The following ADARB2 variants were observed in gnomAD, a reference collection of about 807,000 sequenced individuals.
ADARB2 encodes inactive double-stranded RNA-specific editase B2.
ADARB2 carries 25 observed loss-of-function variants against 62.2 expected under a neutral mutation model. That is an observed-to-expected ratio of 0.40 (90% CI 0.29 to 0.56). The LOEUF (loss-of-function observed/expected upper bound fraction) is 0.56, where lower values mean the gene tolerates loss of function less well. ADARB2 is among the 20% of genes least tolerant of loss of function. The probability of loss-of-function intolerance (pLI) is 0.43; values close to 1 mark genes in which losing one functional copy is unlikely to be tolerated. For missense variants in ADARB2, 1,071 were observed against 1,077.4 expected, an observed-to-expected ratio of 0.99 and a Z score of 0.08; for synonymous variants, 572 against 500.8, an observed-to-expected ratio of 1.14 and a Z score of -1.90.
At chr10:1,496,814 A>C (rs1483232515) in intron 1 of ADARB2, among the ~76,000 whole-genome samples, 1 of 152,218 alleles carries the variant, frequency 6.6e-6, no homozygotes, top group Non-Finnish European at 1.5e-5. Context: ...CATTGTCATC[A>C]TTATCATTAT....
intron 1 of ADARB2, among the ~76,000 whole-genome samples, chr10:1,713,874 A>G (rs1834982184): frequency 6.6e-6 from 1 of 152,242 alleles, no homozygotes; most frequent in Admixed American, 6.5e-5. Flanking sequence ...CGTACATAAA[A>G]TGATATCTGC....
chr10:1,536,303 G>T (rs1832332498), intron 1 of ADARB2, among the ~76,000 whole-genome samples: 2 of 152,216 alleles, frequency 1.3e-5, no homozygotes, highest in South Asian at 4.1e-4. Flanking sequence ...AGCCAGGAAG[G>T]GGCCTTCATG....
Position 1,200,101 on chromosome 10 carries a change from C to G in ADARB2, c.1729G>C (p.Glu577Gln), listed in dbSNP as rs1268350649. Residue 577 changes from glutamate to glutamine, a missense_variant, in exon 8 of 10, where the codon GAG becomes CAG. Physicochemically the swap from Glu to Gln is conservative, Grantham distance 29 (BLOSUM62 2). Coordinates refer to ENST00000381312, the MANE Select transcript of ADARB2 (RefSeq NM_018702.4). ...ACGATGCTCTGCAGGTACACGGGCT[C>G]CACGAAGTGGGACAGGAGCGCGCCC... Reference protein sequence around the residue: ...LQGALLSHFVEPVYLQSIVVG... With the variant: ...LQGALLSHFVQPVYLQSIVVG... The G allele has an allele frequency of 6.4e-7, 1 of 1,562,750 alleles. No homozygotes were observed. Among genetic ancestry groups the G allele is most frequent in the East Asian group, 2.4e-5 (1 of 41,676 alleles).
intron 1 of ADARB2, among the ~76,000 whole-genome samples, chr10:1,639,789 C>T (rs899701489): frequency 5.1e-4 from 77 of 152,258 alleles, no homozygotes; most frequent in Admixed American, 4.0e-3. Context: ...TTGCAGCGAG[C>T]GGAGATCATG....
intron 1 of ADARB2, chr10:1,534,872 G>GC (rs76716996): frequency 0.8 from 134,330 of 166,894 alleles, 54,408 homozygotes; most frequent in Middle Eastern, 0.84. Context: ...CCACACCCTG[G>GC]CCCCACGCCT....
intron 1 of ADARB2, among the ~76,000 whole-genome samples, chr10:1,582,324 C>T (rs1833115322): frequency 6.6e-6 from 1 of 152,146 alleles, no homozygotes; most frequent in Admixed American, 6.5e-5. Flanking sequence ...AGTCTCAGGG[C>T]CCCTATCAGC....
At chr10:1,491,426 T>C (rs975211432) in intron 1 of ADARB2, among the ~76,000 whole-genome samples, 1 of 152,160 alleles carries the variant, frequency 6.6e-6, no homozygotes, top group Non-Finnish European at 1.5e-5. Context: ...AGTTTTACAA[T>C]CTTACTGACA....
intron 1 of ADARB2, among the ~76,000 whole-genome samples, chr10:1,538,343 C>A (rs1484316768): frequency 6.6e-6 from 1 of 152,184 alleles, no homozygotes; most frequent in South Asian, 2.1e-4. Flanking sequence ...GGCCAGACTG[C>A]GAAGCCCCTT....
At position 1,398,261 on chromosome 10, in the gene ADARB2, C is replaced by T. The variant is rs577377649; in HGVS notation, c.101-19101G>A. Among the ~76,000 whole-genome samples the T allele has an allele frequency of 1.3e-5, 2 of 152,286 alleles. No homozygotes were observed. Among genetic ancestry groups the T allele is most frequent in the South Asian group, 4.1e-4 (2 of 4,830 alleles). The stretch of plus-strand genomic sequence containing the variant: ...TCCTGGGTCACCGTCCGTCTCTCCC[C>T]TCCCGAGTGCAGGCTTCCTGGGGCA... On this transcript the variant is annotated intron_variant, in intron 1 of 9. Transcript: ENST00000381312. The surrounding 1 kb of genome is among the most constrained non-coding windows in gnomAD (Gnocchi z 4.1).
At chr10:1,472,989 C>T (rs561207614) in intron 1 of ADARB2, among the ~76,000 whole-genome samples, 18 of 152,152 alleles carry the variant, frequency 1.2e-4, no homozygotes, top group African/African-American at 3.6e-4. Context: ...AGCAGCTTCC[C>T]GATAGGATCT....
chr10:1,737,091 G>A lies in ADARB2; in HGVS notation c.60C>T (p.Cys20=). Residue 20 remains cysteine, a synonymous_variant, in exon 1 of 10, where the codon TGC becomes TGT. Coordinates refer to ENST00000381312, the MANE Select transcript of ADARB2 (RefSeq NM_018702.4). ...TCCGCCTCCTCCTCCTCTTGGACTT[G>A]CATTTGAGTTGACTGCTCAGCCCTC... ...GSGGLSSQLK[C]KSKRRRRRRS... 6.2e-7 allele frequency: 1 copy of A among 1,611,840 alleles called. No individual in the cohort carries two copies.
intron 8 of ADARB2, among the ~76,000 whole-genome samples, chr10:1,193,956 T>C (rs1217222344): frequency 6.6e-6 from 1 of 152,228 alleles, no homozygotes; most frequent in African/African-American, 2.4e-5. Context: ...CAAATCTGCA[T>C]TTGGATGCTT....
At chr10:1,253,013 A>C (rs1286196404) in intron 4 of ADARB2, among the ~76,000 whole-genome samples, 2 of 152,258 alleles carry the variant, frequency 1.3e-5, no homozygotes, top group Non-Finnish European at 2.9e-5. Context: ...CAGATAACAA[A>C]GCACTGTAGT....
intron 1 of ADARB2, among the ~76,000 whole-genome samples, chr10:1,478,598 A>G (rs1202843415): frequency 6.6e-6 from 1 of 151,950 alleles, no homozygotes; most frequent in Admixed American, 6.6e-5. Flanking sequence ...GCACCAAAAC[A>G]AGGACCCTCA....
At chr10:1,410,326 T>C (rs1832749043) in intron 1 of ADARB2, among the ~76,000 whole-genome samples, 1 of 150,696 alleles carries the variant, frequency 6.6e-6, no homozygotes, top group Non-Finnish European at 1.5e-5. Flanking sequence ...TAGGGAAGGA[T>C]TGTCAGTGGT....
intron 1 of ADARB2, among the ~76,000 whole-genome samples, chr10:1,652,977 C>G (rs1014780458): frequency 7.9e-5 from 12 of 152,186 alleles, no homozygotes; most frequent in Non-Finnish European, 1.5e-4. Flanking sequence ...GATGCCAAGC[C>G]CCTCAGACGA....
intron 3 of ADARB2, among the ~76,000 whole-genome samples, chr10:1,335,822 C>A (rs1831970392): frequency 1.3e-5 from 2 of 152,300 alleles, no homozygotes; most frequent in East Asian, 3.9e-4. Flanking sequence ...CAGCTCACTG[C>A]CAGGCTTATC....
chr10:1,354,379 A>AC (rs1482811240), intron 3 of ADARB2, among the ~76,000 whole-genome samples: 5 of 147,880 alleles, frequency 3.4e-5, no homozygotes, highest in African/African-American at 9.9e-5. Flanking sequence ...GCACCTTGTG[A>AC]CCCCCACCCC....
In ADARB2 at chr10:1,207,173, CCT is replaced by C. The variant is rs1478635737; in HGVS notation, c.1683-7028_1683-7027del. Among the ~76,000 whole-genome samples the C allele has an allele frequency of 5.3e-5, 8 of 152,084 alleles. No homozygotes were observed. In the East Asian group the frequency reaches 1.4e-3, roughly 26 times the overall value. Reference sequence around the variant, plus strand: ...ACCAGCCTGGCCAACGTGGCGAAACCCTGTCTCTACTAAAAATACAAAAATTA... The same window carrying C: ...ACCAGCCTGGCCAACGTGGCGAAACCGTCTCTACTAAAAATACAAAAATTA... On this transcript the variant is annotated intron_variant, in intron 7 of 9. Transcript: ENST00000381312.
Sources: gnomAD v4.1 joint callset for allele counts (sites outside exome capture counted in the v4.1 genomes callset) on GRCh38, gnomAD v4.1.1 for gene constraint, Gnocchi (gnomAD v3.1) non-coding constraint, MANE v1.5 for transcripts, NCBI Gene and HGNC (gene_info 2026-07-23, HGNC 2026-07-21) for gene names.